Variants in ABCC1 observed in about 807,000 individuals in gnomAD.
The protein encoded by ABCC1 is ATP binding cassette subfamily C member 1 (ABCC1 blood group).
A neutral mutation model predicts 172.9 loss-of-function variants in ABCC1; 83 were observed. That is an observed-to-expected ratio of 0.48 (90% CI 0.40 to 0.58). The LOEUF (loss-of-function observed/expected upper bound fraction) is 0.58, where lower values mean the gene tolerates loss of function less well. Among genes scored for constraint, ABCC1 ranks in the 20% least tolerant of loss-of-function variants. The pLI is 0.00. For missense variants in ABCC1, 1,817 were observed against 2,002.7 expected (o/e 0.91, Z 1.77); for synonymous variants, 937 against 825.2 (o/e 1.14, Z -2.32).
chr16:16,053,106 C>T (rs1042394541), intron 11 of ABCC1, among the ~76,000 whole-genome samples: 3 of 152,214 alleles, frequency 2.0e-5, no homozygotes, highest in East Asian at 1.9e-4. Flanking sequence ...CCTTGTAGGC[C>T]GGTGACTGGA....
At chr16:16,006,901 CGATGGTGATGATGATGGTGGT>C (rs2047557533) in intron 1 of ABCC1, among the ~76,000 whole-genome samples, 1 of 100,590 alleles carries the variant, frequency 9.9e-6, no homozygotes, top group Non-Finnish European at 2.4e-5. Flanking sequence ...GTGATGGTGG[CGATGGTGATGATGATGGTGGT>C]GATGGTGGTG....
At chr16:16,133,855 C>G (rs1198500770) in intron 27 of ABCC1, among the ~76,000 whole-genome samples, 3 of 152,122 alleles carry the variant, frequency 2.0e-5, no homozygotes, top group Non-Finnish European at 4.4e-5. Context: ...ATCCTTTGGC[C>G]ATTAGCTAGA....
intron 17 of ABCC1, among the ~76,000 whole-genome samples, chr16:16,086,215 C>T (rs961900443): frequency 6.6e-6 from 1 of 152,224 alleles, no homozygotes; most frequent in Non-Finnish European, 1.5e-5. Flanking sequence ...CTGTGCACCA[C>T]GTGCCCTGCT....
Position 16,076,510 on chromosome 16 carries a change from C to T in ABCC1, c.1988+109C>T, listed in dbSNP as rs1017809408. On this transcript the variant is annotated intron_variant, in intron 15 of 30. Coordinates refer to ENST00000399410, the MANE Select transcript of ABCC1 (RefSeq NM_004996.4). ...TCCCTCTCTGTGACCTTGAACAACT[C>T]ACTTTGCCTTTCTAAGACTTAGCTT... is the stretch of plus-strand genomic sequence containing the variant. 4 of 1,092,788 alleles carry T rather than the reference C, an allele frequency of 3.7e-6. No individual in the cohort carries two copies. The African/African-American group carries it at 6.4e-5, about 18-fold the overall frequency. 67.7% of individuals were successfully genotyped at this position (1,092,788 alleles called of 1,614,324 possible).
intron 5 of ABCC1, among the ~76,000 whole-genome samples, chr16:16,026,902 G>A (rs1039655784): frequency 6.6e-6 from 1 of 152,160 alleles, no homozygotes; most frequent in African/African-American, 2.4e-5. Context: ...GGGCGACAGA[G>A]TGAGACTCAG....
intron 10 of ABCC1, among the ~76,000 whole-genome samples, chr16:16,051,778 G>A (rs1281562206): frequency 6.6e-6 from 1 of 152,160 alleles, no homozygotes; most frequent in African/African-American, 2.4e-5. Flanking sequence ...TGTACAAACA[G>A]TTGAGGCACA....
At position 16,136,726 on chromosome 16, in the gene ABCC1, A is replaced by G. The variant is rs776202743; in HGVS notation, c.4292+82A>G. On this transcript the variant is annotated intron_variant, in intron 29 of 30. Transcript: ENST00000399410. ...AGGGGTGTTTGAAGATTCTGTCCAG[A>G]TCTGTGTCACCTGGATTTGAGTCCC... 7 of 1,470,274 alleles carry G rather than the reference A, an allele frequency of 4.8e-6. No homozygotes were observed. The East Asian group carries it at 1.7e-4, about 35-fold the overall frequency. 91.1% of individuals were successfully genotyped at this position (1,470,274 alleles called of 1,614,324 possible).
chr16:16,004,997 G>A (rs1254101451), intron 1 of ABCC1, among the ~76,000 whole-genome samples: 3 of 146,178 alleles, frequency 2.1e-5, no homozygotes, highest in African/African-American at 7.4e-5. Flanking sequence ...ATTGGAACAT[G>A]TATATTTTGA....
chr16:16,098,871 AG>A (rs2051598640), intron 19 of ABCC1: 2 of 1,352,076 alleles, frequency 1.5e-6, no homozygotes, highest in Non-Finnish European at 2.0e-6. Flanking sequence ...CTGAATTCCC[AG>A]GCAGCACAGT....
At chr16:15,965,619 A>T (rs955520856) in intron 1 of ABCC1, among the ~76,000 whole-genome samples, 1 of 150,936 alleles carries the variant, frequency 6.6e-6, no homozygotes, top group African/African-American at 2.4e-5. Context: ...CTTTTTTGAG[A>T]CAGCATCTTA....
chr16:16,024,587 A>C (rs1442442891), intron 5 of ABCC1, among the ~76,000 whole-genome samples: 1 of 152,162 alleles, frequency 6.6e-6, no homozygotes, highest in Non-Finnish European at 1.5e-5. Flanking sequence ...TCCTGAGCTC[A>C]AGTGATGCCC....
At chr16:16,040,486 C>T (rs2151861277) in intron 7 of ABCC1, among the ~76,000 whole-genome samples, 1 of 152,042 alleles carries the variant, frequency 6.6e-6, no homozygotes, top group East Asian at 1.9e-4. Flanking sequence ...GGGGTTTCTC[C>T]ATGTTGGTCA....
In ABCC1 at chr16:16,124,828, C is replaced by A. The variant is rs563034902; in HGVS notation, c.3630C>A (p.Ile1210=). The change falls in exon 25 of 31, where the codon ATC becomes ATA. Residue 1210 remains isoleucine, a synonymous_variant. Transcript: ENST00000399410. The part of the protein sequence containing the change: ...AVRLECVGNC[I]VLFAALFAVI... ...GGCTGGAGTGTGTGGGCAACTGCAT[C>A]GTTCTGTTTGCTGCCCTGTTTGCGG... 6.2e-6 allele frequency: 10 copies of A among 1,614,208 alleles called. No individual in the cohort carries two copies. The highest frequency in any genetic ancestry group is 8.5e-6 in the Non-Finnish European group (10 of 1,180,048).
chr16:16,051,365 G>T (rs770842297), intron 10 of ABCC1, among the ~76,000 whole-genome samples: 1 of 151,988 alleles, frequency 6.6e-6, no homozygotes, highest in African/African-American at 2.4e-5. Flanking sequence ...AGAAATGGGG[G>T]TCTTGCTGTG....
At chr16:16,100,149 T>G (rs2051661945) in intron 19 of ABCC1, among the ~76,000 whole-genome samples, 2 of 152,096 alleles carry the variant, frequency 1.3e-5, no homozygotes, top group Non-Finnish European at 2.9e-5. Flanking sequence ...TTCCTCCTCT[T>G]AGGCGCTTGG....
chr16:16,042,922 A>C (rs1003148419), intron 7 of ABCC1, among the ~76,000 whole-genome samples: 1 of 151,642 alleles, frequency 6.6e-6, no homozygotes, highest in African/African-American at 2.4e-5. Context: ...GCAGTGGCAC[A>C]ACCTCGGCTC....
At chr16:16,086,451 C>G (rs2051008520) in intron 17 of ABCC1, among the ~76,000 whole-genome samples, 1 of 151,960 alleles carries the variant, frequency 6.6e-6, no homozygotes, top group South Asian at 2.1e-4. Flanking sequence ...GGCTCTATGC[C>G]TTTCTTTCTT....
At chr16:16,066,109 T>C (rs2050104954) in intron 12 of ABCC1, among the ~76,000 whole-genome samples, 1 of 152,170 alleles carries the variant, frequency 6.6e-6, no homozygotes, top group African/African-American at 2.4e-5. Context: ...AGTAATCTGC[T>C]TTCTGTCTGT....
chr16:16,141,079 A>G, intron 30 of ABCC1, 94 bp from the exon 31 acceptor site: 1 of 1,064,876 alleles, frequency 9.4e-7, no homozygotes, highest in Non-Finnish European at 1.4e-6. Flanking sequence ...TAGGGGCCTG[A>G]CCCGAAGCAG....
Sources: allele counts gnomAD v4.1 joint callset (sites outside exome capture counted in the v4.1 genomes callset), GRCh38; gene constraint gnomAD v4.1.1; transcripts MANE v1.5; gene names NCBI Gene and HGNC (gene_info 2026-07-23, HGNC 2026-07-21).